RHEX: variants seen among roughly 807,000 people sequenced by gnomAD.
RHEX encodes the protein regulator of hemoglobinization and erythroid cell expansion.
RHEX carries 18 observed loss-of-function variants against 20.1 expected under a neutral mutation model. The observed-to-expected ratio is 0.90, with a 90% CI of 0.62 to 1.33. RHEX has a LOEUF of 1.33. Among genes scored for constraint, RHEX ranks in the 40% most tolerant of loss-of-function variants. The pLI, the probability that RHEX is intolerant of heterozygous loss-of-function variation, is 0.00. For synonymous variants in RHEX, 87 were observed against 77.1 expected (o/e 1.13, Z -0.67); for missense variants, 192 against 214.3 (o/e 0.90, Z 0.65).
chr1:206,054,721 G>A (rs899915532), intron 1 of RHEX, among the ~76,000 whole-genome samples: 2 of 152,238 alleles, frequency 1.3e-5, no homozygotes, highest in African/African-American at 2.4e-5. Context: ...GGATAAATAT[G>A]TCTACAAGGT....
intron 1 of RHEX, among the ~76,000 whole-genome samples, chr1:206,077,647 C>T (rs1464506974): frequency 6.6e-6 from 1 of 152,168 alleles, no homozygotes; most frequent in Non-Finnish European, 1.5e-5. Context: ...TGGTGAGTGC[C>T]TGCAGGCCTA....
chr1:206,078,859 G>A (rs1662683597), intron 1 of RHEX, among the ~76,000 whole-genome samples: 1 of 152,152 alleles, frequency 6.6e-6, no homozygotes. Flanking sequence ...ATTCTGTCTA[G>A]ACCCGCTGGA....
chr1:206,097,945 TC>T, intron 2 of RHEX, 106 bp downstream of exon 2: 1 of 1,186,888 alleles, frequency 8.4e-7, no homozygotes, highest in Non-Finnish European at 1.3e-6. Flanking sequence ...AGCCTTATTG[TC>T]CAGAGAGGCA....
rs183758617 is a variant in RHEX, at chr1:206,093,707, C to T, written c.-96-4026C>T. 4.5e-3 allele frequency among the ~76,000 whole-genome samples: 679 copies of T among 152,002 alleles called. 3 individuals are homozygous for T. Among genetic ancestry groups the T allele is most frequent in the African/African-American group, 0.015 (639 of 41,282 alleles). On this transcript the variant is annotated intron_variant, in intron 1 of 5. Coordinates refer to ENST00000331555, the MANE Select transcript of RHEX (RefSeq NM_001007544.4). ...TCTTTTTATTCTCCCCCTGATATTA[C>T]GCTGTACCTATTGGAAAGGCCATGA... is the stretch of plus-strand genomic sequence containing the variant.
intron 1 of RHEX, among the ~76,000 whole-genome samples, chr1:206,057,868 C>T (rs890732523): frequency 6.6e-6 from 1 of 152,352 alleles, no homozygotes; most frequent in Non-Finnish European, 1.5e-5. Flanking sequence ...CATGCTCAAC[C>T]GAATCATATG....
At chr1:206,070,937 A>G (rs1407608573) in intron 1 of RHEX, among the ~76,000 whole-genome samples, 1 of 152,170 alleles carries the variant, frequency 6.6e-6, no homozygotes, top group African/African-American at 2.4e-5. Flanking sequence ...ATTGATAGGT[A>G]TTGGCTGATT....
intron 1 of RHEX, among the ~76,000 whole-genome samples, chr1:206,062,494 G>A (rs1386252215): frequency 3.9e-5 from 6 of 152,234 alleles, no homozygotes; most frequent in African/African-American, 1.4e-4. Flanking sequence ...TGTCTCTCCA[G>A]TCTTACCCTG....
chr1:206,089,442 C>A (rs1428549806), intron 1 of RHEX, among the ~76,000 whole-genome samples: 1 of 152,168 alleles, frequency 6.6e-6, no homozygotes, highest in African/African-American at 2.4e-5. Context: ...CAGATGAGTT[C>A]TTCCTAAATG....
At chr1:206,066,230 T>C (rs1310798376) in intron 1 of RHEX, among the ~76,000 whole-genome samples, 2 of 152,270 alleles carry the variant, frequency 1.3e-5, no homozygotes, top group African/African-American at 4.8e-5. Flanking sequence ...CTCTTATCTA[T>C]TAACTAGACA....
At chr1:206,066,261 G>A (rs1407411486) in intron 1 of RHEX, among the ~76,000 whole-genome samples, 2 of 152,350 alleles carry the variant, frequency 1.3e-5, no homozygotes, top group East Asian at 3.9e-4. Flanking sequence ...TTATAGGGGT[G>A]TCTACTTAAA....
chr1:206,101,238 T>C lies in RHEX; in HGVS notation c.318+41T>C, dbSNP rs1160745976. ...AGTGATCTCAGACGAACATATGCAG[T>C]CTGGGGATCCCTGCTGTAAAACGCT... On this transcript the variant is annotated intron_variant, in intron 5 of 5. Coordinates refer to ENST00000331555, the MANE Select transcript of RHEX (RefSeq NM_001007544.4). The C allele has an allele frequency of 2.0e-6, 3 of 1,500,596 alleles. No homozygotes were observed. In the Admixed American group the frequency reaches 5.8e-5, roughly 29 times the overall value. 93.0% of individuals were successfully genotyped at this position (1,500,596 alleles called of 1,614,324 possible).
chr1:206,075,519 CA>C (rs1293849917), intron 1 of RHEX, among the ~76,000 whole-genome samples: 4 of 151,588 alleles, frequency 2.6e-5, no homozygotes, highest in African/African-American at 9.7e-5. Flanking sequence ...ATTGTGGTGA[CA>C]AAGCATCTGT....
intron 1 of RHEX, among the ~76,000 whole-genome samples, chr1:206,095,152 A>G (rs78318313): frequency 0.01 from 1,542 of 152,260 alleles, 29 homozygotes; most frequent in African/African-American, 0.036. Flanking sequence ...GGGCAATGGT[A>G]GGAATTCGAA....
chr1:206,086,973 C>T (rs572911087), intron 1 of RHEX, among the ~76,000 whole-genome samples: 2 of 152,218 alleles, frequency 1.3e-5, no homozygotes, highest in Admixed American at 6.5e-5. Flanking sequence ...CACCACTGGA[C>T]ACTCCAGCCT....
At chr1:206,060,144 C>T (rs1553283165) in intron 1 of RHEX, among the ~76,000 whole-genome samples, 1 of 152,136 alleles carries the variant, frequency 6.6e-6, no homozygotes, top group Admixed American at 6.5e-5. Flanking sequence ...TGCCACTTAC[C>T]AGCCCTATGA....
At chr1:206,063,760 C>T (rs564468707) in intron 1 of RHEX, among the ~76,000 whole-genome samples, 1 of 152,188 alleles carries the variant, frequency 6.6e-6, no homozygotes, top group Non-Finnish European at 1.5e-5. Flanking sequence ...ACCTCCCAGC[C>T]GCCTGCCTTG....
intron 1 of RHEX, among the ~76,000 whole-genome samples, chr1:206,082,995 G>A (rs1358260696): frequency 5.3e-5 from 8 of 152,188 alleles, no homozygotes; most frequent in Non-Finnish European, 1.0e-4. Flanking sequence ...AACTGTAACA[G>A]CCATTTTTGG....
intron 1 of RHEX, among the ~76,000 whole-genome samples, chr1:206,092,940 C>T (rs59298662): frequency 0.031 from 4,775 of 152,246 alleles, 252 homozygotes; most frequent in African/African-American, 0.11. Context: ...TTCACCCCAG[C>T]CTTTAAAGAG....
At chr1:206,094,678 G>A (rs28419084) in intron 1 of RHEX, among the ~76,000 whole-genome samples, 35,185 of 152,070 alleles carry the variant, frequency 0.23, 6,889 homozygotes, top group African/African-American at 0.53. Context: ...TTGGACGTCC[G>A]TATTATTTAC....
Sources: gnomAD v4.1 joint callset for allele counts (sites outside exome capture counted in the v4.1 genomes callset) on GRCh38, gnomAD v4.1.1 for gene constraint, MANE v1.5 for transcripts, NCBI Gene and HGNC (gene_info 2026-07-23, HGNC 2026-07-21) for gene names.